CELSR2: variants seen among roughly 807,000 people sequenced by gnomAD.
CELSR2 encodes EGF-like protein 2.
A neutral mutation model predicts 251.6 loss-of-function variants in CELSR2; 81 were observed. The ratio of observed to expected loss-of-function variants is 0.32; its 90% CI spans 0.27 to 0.39. CELSR2 has a LOEUF of 0.39. Among genes scored for constraint, CELSR2 ranks in the 10% least tolerant of loss-of-function variants. CELSR2 has a pLI of 1.00. For missense variants in CELSR2, 3,365 were observed against 3,947.7 expected, an observed-to-expected ratio of 0.85 and a Z score of 3.96; for synonymous variants, 1,721 against 1,670.5, an observed-to-expected ratio of 1.03 and a Z score of -0.74.
In CELSR2 at chr1:109,250,629, C is replaced by G. The variant is rs1386031065; in HGVS notation, c.550C>G (p.Pro184Ala). ...NVNTAPQFQPPSYQATVPENQ... is the reference protein window; with the variant it reads ...NVNTAPQFQPASYQATVPENQ... ...AAATACAGCCCCCCAGTTCCAGCCC[C>G]CCAGCTACCAGGCCACAGTGCCGGA... Residue 184 changes from proline to alanine, a missense_variant, in exon 1 of 34, where the codon CCC (proline) becomes GCC (alanine). By Grantham distance (27) the Pro-to-Ala change is conservative (BLOSUM62 -1). Coordinates refer to ENST00000271332, the MANE Select transcript of CELSR2 (RefSeq NM_001408.3). The surrounding 1 kb of genome is among the most constrained non-coding windows in gnomAD (Gnocchi z 4.4). 1.2e-6 allele frequency: 2 copies of G among 1,614,040 alleles called. No individual in the cohort carries two copies. Among genetic ancestry groups the G allele is most frequent in the Non-Finnish European group, 8.5e-7 (1 of 1,179,996 alleles).
At position 109,253,340 on chromosome 1, in the gene CELSR2, A is replaced by G. The variant is rs1228381385; in HGVS notation, c.3261A>G (p.Ala1087=). 1.2e-6 allele frequency: 2 copies of G among 1,613,230 alleles called. No homozygotes were observed. Among genetic ancestry groups the G allele is most frequent in the African/African-American group, 2.7e-5 (2 of 74,926 alleles). The change falls in exon 1 of 34, where the codon GCA becomes GCG. Residue 1087 remains alanine, a synonymous_variant. Coordinates refer to ENST00000271332, the MANE Select transcript of CELSR2 (RefSeq NM_001408.3). ...ASTGELKLSR[A]LDNNRPLEAI... ...CGGGTGAGCTGAAGCTAAGCCGCGC[A>G]CTGGACAACAACCGGCCTCTGGAGG...
In CELSR2 at chr1:109,250,814, G is replaced by A; in HGVS notation, c.735G>A (p.Glu245=). 1 of 1,614,132 alleles carries A rather than the reference G, an allele frequency of 6.2e-7. No homozygotes were observed. Among genetic ancestry groups the A allele is most frequent in the Non-Finnish European group, 8.5e-7 (1 of 1,180,038 alleles). ...DPVTGAVTTA[E]ELDRETKSTH... is the part of the protein sequence containing the mutation. ...TCACTGGTGCAGTAACCACAGCCGAGGAGCTGGATCGTGAGACCAAGAGCA... is the reference window on the plus strand; with the variant it reads ...TCACTGGTGCAGTAACCACAGCCGAAGAGCTGGATCGTGAGACCAAGAGCA... Residue 245 remains glutamate (E), a synonymous_variant, in exon 1 of 34, where the codon GAG becomes GAA. Coordinates refer to ENST00000271332, the MANE Select transcript of CELSR2 (RefSeq NM_001408.3). This position sits in a 1 kb window ranked among gnomAD's most constrained non-coding sequence, Gnocchi z 4.4.
intron 8 of CELSR2, 97 bp from the exon 9 acceptor site, chr1:109,263,514 G>T (rs551348976): frequency 6.1e-4 from 926 of 1,511,694 alleles, no homozygotes; most frequent in Non-Finnish European, 7.8e-4. Flanking sequence ...GAGGGGAGTG[G>T]GCTCTGCCTC....
chr1:109,265,257 C>T lies in CELSR2; in HGVS notation c.5673C>T (p.Val1891=), dbSNP rs1218366216. Residue 1891 remains valine (V), a synonymous_variant, in exon 13 of 34, where the codon GTC becomes GTT. Coordinates refer to ENST00000271332, the MANE Select transcript of CELSR2 (RefSeq NM_001408.3). ...CATGTGGCCCATGCAACTGTGATGT[C>T]AGCAAAGGCTTTGACCCAGACTGCA... The part of the protein sequence containing the change: ...HPTCGPCNCD[V]SKGFDPDCNK... 1 of 1,613,024 alleles carries T rather than the reference C, an allele frequency of 6.2e-7. No individual in the cohort carries two copies. The highest frequency in any genetic ancestry group is 8.5e-7 in the Non-Finnish European group (1 of 1,179,380).
At position 109,270,507 on chromosome 1, in the gene CELSR2, C is replaced by G. The variant is rs540943775; in HGVS notation, c.7390C>G (p.Leu2464Val). The G allele has an allele frequency of 6.2e-7, 1 of 1,614,222 alleles. No individual in the cohort carries two copies. The highest frequency in any genetic ancestry group is 1.1e-5 in the South Asian group (1 of 91,088). ...CTGGGCTCTGCTGGAGGCCTTGCAC[C>G]TGTACCGGGCACTCACTGAGGTGCG... ...FSWALLEALH[L>V]YRALTEVRDV... is the part of the protein sequence containing the mutation. Residue 2464 changes from leucine (L) to valine (V), a missense_variant, in exon 24 of 34, where the codon CTG becomes GTG. Coordinates refer to ENST00000271332, the MANE Select transcript of CELSR2 (RefSeq NM_001408.3).
intron 2 of CELSR2, 131 bp from the exon 3 acceptor site, chr1:109,260,911 A>G (rs1656002374): frequency 2.0e-5 from 13 of 648,946 alleles, no homozygotes; most frequent in Non-Finnish European, 3.4e-5. Context: ...GGAAGTGGGG[A>G]TGCCTGGGAG....
Position 109,261,487 on chromosome 1 carries a change from T to C in CELSR2, c.4182-26T>C. On this transcript the variant is annotated intron_variant, in intron 3 of 33. Transcript: ENST00000271332. The surrounding 1 kb of genome is among the most constrained non-coding windows in gnomAD (Gnocchi z 4.8). ...GCATCCAGGTGGGTACCCCATTCCC[T>C]GCCCCCATCCCCAACTCCTGTTCAG... is the stretch of plus-strand genomic sequence containing the variant. The C allele has an allele frequency of 6.2e-7, 1 of 1,600,622 alleles. No individual in the cohort carries two copies. The highest frequency in any genetic ancestry group is 1.1e-5 in the South Asian group (1 of 90,822).
intron 11 of CELSR2, 116 bp downstream of exon 11, chr1:109,264,744 C>G: frequency 6.3e-7 from 1 of 1,577,452 alleles, no homozygotes; most frequent in Non-Finnish European, 8.7e-7. Context: ...TCTTAGTTGC[C>G]TACACAACAA....
chr1:109,252,513 G>A lies in CELSR2; in HGVS notation c.2434G>A (p.Ala812Thr), dbSNP rs573729296. 2.7e-5 allele frequency: 44 copies of A among 1,613,894 alleles called. No homozygotes were observed. The South Asian group carries it at 4.4e-4, about 16-fold the overall frequency. ...CCTGGTGAACGACGTGAATGACAAT[G>A]CCCCTCAGTTCCTGCGAGACTCCTA... ...EILVNDVNDN[A>T]PQFLRDSYQG... Residue 812 changes from alanine (A) to threonine (T), a missense_variant, in exon 1 of 34, where the codon GCC (alanine) becomes ACC (threonine). By Grantham distance (58) the Ala-to-Thr change is moderately conservative (BLOSUM62 0). Transcript: ENST00000271332. The surrounding 1 kb of genome is among the most constrained non-coding windows in gnomAD (Gnocchi z 4.8).
intron 13 of CELSR2, among the ~76,000 whole-genome samples, 191 bp from the exon 14 acceptor site, chr1:109,265,544 C>T (rs769125412): frequency 3.9e-5 from 6 of 152,192 alleles, no homozygotes; most frequent in Admixed American, 6.5e-5. Context: ...GGTTTGCAGC[C>T]TGTTCTGATT....
chr1:109,260,947 G>C, intron 2 of CELSR2, 95 bp from the exon 3 acceptor site: 1 of 904,240 alleles, frequency 1.1e-6, no homozygotes, highest in African/African-American at 1.7e-5. Flanking sequence ...CGAGGGTCAC[G>C]GGAGGCCATG....
At chr1:109,257,332 G>A (rs1022251094) in intron 1 of CELSR2, among the ~76,000 whole-genome samples, 12 of 146,732 alleles carry the variant, frequency 8.2e-5, no homozygotes, top group South Asian at 2.1e-4. Context: ...CAGTGTAGGC[G>A]ACAGAGAGTC....
intron 1 of CELSR2, among the ~76,000 whole-genome samples, chr1:109,255,302 G>A (rs1027382517): frequency 1.3e-5 from 2 of 152,094 alleles, no homozygotes; most frequent in South Asian, 2.1e-4. Flanking sequence ...GCCTCTCTCC[G>A]GTGCCCTCTC....
Position 109,273,306 on chromosome 1 carries a change from C to T in CELSR2, c.8479C>T (p.Leu2827Phe), listed in dbSNP as rs1370640854. ...ALSREGSLGP[L>F]PGSSAQPHKG... ...GTCTCGAGAGGGGTCCCTAGGCCCC[C>T]TTCCAGGCTCTTCTGCCCAGCCTCA... Residue 2827 changes from leucine (L) to phenylalanine (F), a missense_variant, in exon 32 of 34, where the codon CTT (leucine) becomes TTT (phenylalanine). Transcript: ENST00000271332. 1.9e-6 allele frequency: 3 copies of T among 1,597,674 alleles called. No homozygotes were observed. Among genetic ancestry groups the T allele is most frequent in the Admixed American group, 3.5e-5 (2 of 57,900 alleles).
At position 109,249,662 on chromosome 1, in the gene CELSR2, C is replaced by T. The variant is rs1647530705; in HGVS notation, c.-418C>T. On this transcript the variant is annotated 5_prime_UTR_variant, in exon 1 of 34. Transcript: ENST00000271332. ...CGGGCGGCGCGGGACCGTCGGGGGC[C>T]GCCGGGGCCGGGCCGGGGTCGGGGC... Among the ~76,000 whole-genome samples the T allele has an allele frequency of 1.4e-5, 2 of 146,594 alleles. No individual in the cohort carries two copies. Among genetic ancestry groups the T allele is most frequent in the Admixed American group, 1.4e-4 (2 of 14,764 alleles).
rs1244292823 is a variant in CELSR2, at chr1:109,270,914, C to T, written c.7484-13C>T. ...TCACCCCTCCACTGCTCCCGTCTGT[C>T]TCCATGCTCCAGGGCTAGCCGTGGG... On this transcript the variant is annotated splice_polypyrimidine_tract_variant and intron_variant, in intron 24 of 33. Transcript: ENST00000271332. 1 of 1,597,196 alleles carries T rather than the reference C, an allele frequency of 6.3e-7. No homozygotes were observed. Among genetic ancestry groups the T allele is most frequent in the South Asian group, 1.1e-5 (1 of 90,356 alleles).
In CELSR2 at chr1:109,251,854, C is replaced by T; in HGVS notation, c.1775C>T (p.Ala592Val). 4.3e-6 allele frequency: 7 copies of T among 1,614,086 alleles called. No homozygotes were observed. Among genetic ancestry groups the T allele is most frequent in the Non-Finnish European group, 5.9e-6 (7 of 1,180,012 alleles). Residue 592 changes from alanine (A) to valine (V), a missense_variant, in exon 1 of 34, where the codon GCC (alanine) becomes GTC (valine). By Grantham distance (64) the Ala-to-Val change is moderately conservative. Coordinates refer to ENST00000271332, the MANE Select transcript of CELSR2 (RefSeq NM_001408.3). This position sits in a 1 kb window ranked among gnomAD's most constrained non-coding sequence, Gnocchi z 4.9. The stretch of plus-strand genomic sequence containing the variant: ...GACCATGGCACTCCAGCACTCACTG[C>T]CTCGGCCAGTGTCAGCGTGACTGTC... ...ARDHGTPALT[A>V]SASVSVTVLD...
Position 109,250,520 on chromosome 1 carries a change from C to T in CELSR2, c.441C>T (p.Ser147=). 1.9e-6 allele frequency: 3 copies of T among 1,613,904 alleles called. No homozygotes were observed. The highest frequency in any genetic ancestry group is 2.5e-6 in the Non-Finnish European group (3 of 1,180,026). The change falls in exon 1 of 34, where the codon TCC becomes TCT. Residue 147 remains serine (S), a synonymous_variant. Coordinates refer to ENST00000271332, the MANE Select transcript of CELSR2 (RefSeq NM_001408.3). The surrounding 1 kb of genome is among the most constrained non-coding windows in gnomAD (Gnocchi z 4.4). ...CLKAPRLRCQ[S]CKLAQAPGLR... is the part of the protein sequence containing the mutation. ...AGGCTCCACGGCTCAGATGCCAGTC[C>T]TGCAAGCTGGCACAGGCCCCCGGGC...
Position 109,271,018 on chromosome 1 carries a change from C to A in CELSR2, c.7575C>A (p.Gly2525=). The A allele has an allele frequency of 4.3e-6, 7 of 1,613,782 alleles. No individual in the cohort carries two copies. Among genetic ancestry groups the A allele is most frequent in the Non-Finnish European group, 5.9e-6 (7 of 1,179,916 alleles). ...IYDTLIWSFA[G]PVAFAVSMSV... Reference sequence around the variant, plus strand: ...ACACGCTCATCTGGAGTTTTGCTGGCCCGGTGGCCTTTGCCGTCTCGGTGA... The same window carrying A: ...ACACGCTCATCTGGAGTTTTGCTGGACCGGTGGCCTTTGCCGTCTCGGTGA... The change falls in exon 25 of 34, where the codon GGC becomes GGA. Residue 2525 remains glycine (G), a synonymous_variant. Transcript: ENST00000271332.
Sources: gnomAD v4.1 joint callset for allele counts (sites outside exome capture counted in the v4.1 genomes callset) on GRCh38, gnomAD v4.1.1 for gene constraint, Gnocchi (gnomAD v3.1) non-coding constraint, MANE v1.5 for transcripts, NCBI Gene and HGNC (gene_info 2026-07-23, HGNC 2026-07-21) for gene names.